The following GARNL3 variants were observed in gnomAD, a reference collection of about 807,000 sequenced individuals.
GARNL3 encodes GTPase-activating Rap/Ran-GAP domain-like protein 3.
In GARNL3, 63 loss-of-function variants were observed where a neutral mutation model predicts 125.0. The observed-to-expected ratio is 0.50, with a 90% CI of 0.41 to 0.62. The LOEUF (loss-of-function observed/expected upper bound fraction) is 0.62, where lower values mean the gene tolerates loss of function less well. GARNL3 is among the 20% of genes least tolerant of loss of function. The probability of loss-of-function intolerance (pLI) is 0.00; values close to 1 mark genes in which losing one functional copy is unlikely to be tolerated. For missense variants in GARNL3, 994 were observed against 1,244.0 expected (o/e 0.80, Z 3.02); for synonymous variants, 439 against 457.5 (o/e 0.96, Z 0.52).
intron 2 of GARNL3, among the ~76,000 whole-genome samples, chr9:127,295,529 G>A (rs1254481510): frequency 2.0e-5 from 3 of 152,222 alleles, no homozygotes; most frequent in Non-Finnish European, 4.4e-5. Flanking sequence ...TGGAGTTAGC[G>A]TCAGACTCCA....
At chr9:127,324,458 A>T (rs1227558234) in intron 6 of GARNL3, among the ~76,000 whole-genome samples, 3 of 151,910 alleles carry the variant, frequency 2.0e-5, no homozygotes, top group Non-Finnish European at 4.4e-5. Context: ...CTCCATCCTG[A>T]CCCTCGTCGC....
chr9:127,378,769 G>T lies in GARNL3; in HGVS notation c.2162-4669G>T, dbSNP rs143759025. 1.6e-3 allele frequency among the ~76,000 whole-genome samples: 250 copies of T among 151,798 alleles called. 2 individuals carry two copies. In the East Asian group the frequency reaches 0.038, roughly 23 times the overall value. On this transcript the variant is annotated intron_variant, in intron 22 of 27. Coordinates refer to ENST00000373387, the MANE Select transcript of GARNL3 (RefSeq NM_032293.5). ...AGTGATTTTTATATATATATTTTTT[G>T]TTTGTTTGTTTGTTTGTTTGTTTTG...
At chr9:127,370,284 G>C (rs962541836) in intron 22 of GARNL3, among the ~76,000 whole-genome samples, 2 of 152,156 alleles carry the variant, frequency 1.3e-5, no homozygotes, top group East Asian at 3.9e-4. Flanking sequence ...TTGATCCGAA[G>C]CTCTGGCTTT....
At chr9:127,229,071 G>A (rs775856660) in intron 1 of GARNL3, among the ~76,000 whole-genome samples, 5 of 152,150 alleles carry the variant, frequency 3.3e-5, no homozygotes, top group South Asian at 2.1e-4. Flanking sequence ...TGATCCACCC[G>A]TCTCGGCCTC....
chr9:127,388,893 T>C lies in GARNL3; in HGVS notation c.2528-11T>C. 6.7e-7 allele frequency: 1 copy of C among 1,500,642 alleles called. No homozygotes were observed. Among genetic ancestry groups the C allele is most frequent in the East Asian group, 2.3e-5 (1 of 44,386 alleles). The allele number at this position is 1,500,642 out of a possible 1,614,324, so 93.0% of individuals were successfully genotyped here. On this transcript the variant is annotated splice_polypyrimidine_tract_variant and intron_variant, in intron 25 of 27. Coordinates refer to ENST00000373387, the MANE Select transcript of GARNL3 (RefSeq NM_032293.5). ...TAAAGTTCTGATGTTCTTTTTGAAA[T>C]CACATTTCAGGTGAAATTCAATCAA...
upstream of GARNL3, among the ~76,000 whole-genome samples, chr9:127,258,725 T>C (rs1403002615): frequency 6.6e-6 from 1 of 152,174 alleles, no homozygotes; most frequent in Non-Finnish European, 1.5e-5. Flanking sequence ...AGACAGCTGG[T>C]CCCTTCTGTG....
intron 1 of GARNL3, among the ~76,000 whole-genome samples, chr9:127,267,121 G>A (rs1267911130): frequency 6.6e-6 from 1 of 152,124 alleles, no homozygotes; most frequent in Non-Finnish European, 1.5e-5. Flanking sequence ...TGCCTTAGAG[G>A]ACCTCAGCTA....
At chr9:127,346,105 C>T (rs926371411) in intron 16 of GARNL3, among the ~76,000 whole-genome samples, 2 of 152,206 alleles carry the variant, frequency 1.3e-5, no homozygotes, top group African/African-American at 4.8e-5. Flanking sequence ...GGCTATTTAT[C>T]TACATCCTGT....
Position 127,336,253 on chromosome 9 carries a change from TA to T in GARNL3, c.982+20del. 6.4e-7 allele frequency: 1 copy of T among 1,565,336 alleles called. No individual in the cohort carries two copies. ...ACTTTACACGTATCCTGGGCCTTTG[TA>T]AATGCTCCAGTGTGGCAAGCTGTGG... On this transcript the variant is annotated intron_variant, in intron 11 of 27. Transcript: ENST00000373387.
intron 22 of GARNL3, among the ~76,000 whole-genome samples, chr9:127,382,343 G>A (rs1047180285): frequency 6.6e-6 from 1 of 151,970 alleles, no homozygotes; most frequent in Admixed American, 6.6e-5. Flanking sequence ...CTTTCATTGA[G>A]AAAGAAATGT....
chr9:127,371,218 G>A (rs1831586789), intron 22 of GARNL3, among the ~76,000 whole-genome samples: 1 of 152,104 alleles, frequency 6.6e-6, no homozygotes, highest in Non-Finnish European at 1.5e-5. Context: ...TAGCACGCAC[G>A]GAATTTCTTG....
chr9:127,318,636 C>A (rs2065305615), intron 5 of GARNL3, among the ~76,000 whole-genome samples: 1 of 152,146 alleles, frequency 6.6e-6, no homozygotes, highest in Non-Finnish European at 1.5e-5. Flanking sequence ...CTGGCTGCTT[C>A]CTGCTCAGCC....
chr9:127,314,461 C>G (rs1208163203), intron 4 of GARNL3, among the ~76,000 whole-genome samples: 1 of 152,174 alleles, frequency 6.6e-6, no homozygotes, highest in Non-Finnish European at 1.5e-5. Flanking sequence ...AAAGCCTGTC[C>G]TTGGCATGGG....
At chr9:127,252,002 A>G (rs1326633843) in intron 2 of GARNL3, among the ~76,000 whole-genome samples, 2 of 152,102 alleles carry the variant, frequency 1.3e-5, no homozygotes, top group South Asian at 2.1e-4. Context: ...TCCCCCACAT[A>G]TACCTTCCAA....
chr9:127,382,091 A>G (rs547688577), intron 22 of GARNL3, among the ~76,000 whole-genome samples: 62 of 152,224 alleles, frequency 4.1e-4, no homozygotes, highest in Non-Finnish European at 7.8e-4. Context: ...ACTTGAGGTC[A>G]GGAGTTCGAC....
chr9:127,270,678 C>T (rs875709), intron 1 of GARNL3, among the ~76,000 whole-genome samples: 10,725 of 152,282 alleles, frequency 0.07, 1,242 homozygotes, highest in African/African-American at 0.24. Context: ...ACTCAACATC[C>T]TATTTGTTTT....
chr9:127,235,849 G>C (rs1466941248), intron 1 of GARNL3, among the ~76,000 whole-genome samples: 1 of 152,108 alleles, frequency 6.6e-6, no homozygotes, highest in African/African-American at 2.4e-5. Context: ...GAGATGATTG[G>C]AAACAACGAC....
chr9:127,236,056 T>G (rs1293490469), intron 1 of GARNL3, among the ~76,000 whole-genome samples: 1 of 152,234 alleles, frequency 6.6e-6, no homozygotes, highest in African/African-American at 2.4e-5. Flanking sequence ...ATATGACAGC[T>G]GCCTTACCAC....
chr9:127,345,614 G>C, intron 16 of GARNL3, 137 bp downstream of exon 16: 2 of 552,800 alleles, frequency 3.6e-6, no homozygotes, highest in Non-Finnish European at 3.1e-6. Flanking sequence ...GAAAGCCCTA[G>C]ATAAAACTGA....
Sources: allele counts gnomAD v4.1 joint callset (sites outside exome capture counted in the v4.1 genomes callset), GRCh38; gene constraint gnomAD v4.1.1; transcripts MANE v1.5; gene names NCBI Gene and HGNC (gene_info 2026-07-23, HGNC 2026-07-21).